Variants in F13A1 observed in about 807,000 individuals in gnomAD.
F13A1 encodes FSF, A subunit.
In F13A1, 47 loss-of-function variants were observed where a neutral mutation model predicts 80.1. That is an observed-to-expected ratio of 0.59 (90% confidence interval 0.46 to 0.75). The LOEUF (loss-of-function observed/expected upper bound fraction) is 0.75. Among genes scored for constraint, F13A1 ranks in the 30% least tolerant of loss-of-function variants. The pLI is 0.00. For missense variants in F13A1, 817 were observed against 930.4 expected (o/e 0.88, Z 1.59); for synonymous variants, 349 against 344.9 (o/e 1.01, Z -0.13).
At chr6:6,256,841 C>A (rs1673281840) in intron 4 of F13A1, among the ~76,000 whole-genome samples, 1 of 151,694 alleles carries the variant, frequency 6.6e-6, no homozygotes, top group South Asian at 2.1e-4. Context: ...ATTTCAAAGT[C>A]AGAGCAAGTT....
chr6:6,183,458 T>C (rs1209982943), intron 10 of F13A1, among the ~76,000 whole-genome samples: 1 of 152,254 alleles, frequency 6.6e-6, no homozygotes, highest in African/African-American at 2.4e-5. Flanking sequence ...GAGTTTATGC[T>C]TTAGTAAGCA....
intron 3 of F13A1, among the ~76,000 whole-genome samples, chr6:6,302,940 A>C (rs1176797336): frequency 6.6e-6 from 1 of 152,224 alleles, no homozygotes; most frequent in Non-Finnish European, 1.5e-5. Context: ...TTTTACATTA[A>C]TACTCATTCC....
intron 2 of F13A1, among the ~76,000 whole-genome samples, chr6:6,316,232 G>A (rs1005800962): frequency 6.8e-6 from 1 of 146,918 alleles, no homozygotes; most frequent in Non-Finnish European, 1.5e-5. Flanking sequence ...CACTTATCTT[G>A]TCTGTGAAAA....
At chr6:6,229,382 G>T (rs542594930) in intron 6 of F13A1, among the ~76,000 whole-genome samples, 2 of 152,018 alleles carry the variant, frequency 1.3e-5, no homozygotes, top group Non-Finnish European at 2.9e-5. Context: ...ATTATAAACT[G>T]CAAGAAACAG....
At chr6:6,151,589 T>C (rs143436943) in intron 14 of F13A1, among the ~76,000 whole-genome samples, 3 of 152,280 alleles carry the variant, frequency 2.0e-5, no homozygotes, top group Non-Finnish European at 2.9e-5. Flanking sequence ...AGGGAGATAA[T>C]AGCAGTATCT....
intron 10 of F13A1, among the ~76,000 whole-genome samples, chr6:6,183,268 A>G (rs1761020842): frequency 6.6e-6 from 1 of 152,236 alleles, no homozygotes; most frequent in Non-Finnish European, 1.5e-5. Context: ...CTCCTTCTTC[A>G]TAGGACGATT....
chr6:6,291,588 C>T lies in F13A1; in HGVS notation c.319+13763G>A, dbSNP rs1758225060. Among the ~76,000 whole-genome samples the T allele has an allele frequency of 2.6e-5, 4 of 152,190 alleles. No individual in the cohort carries two copies. In the South Asian group the frequency reaches 8.3e-4, roughly 32 times the overall value. On this transcript the variant is annotated intron_variant, in intron 3 of 14. Transcript: ENST00000264870. ...CCAGTGGGAAGTTCCTATCTCACTG[C>T]ATCTCCTAGTTATATTTAATAACAT...
At chr6:6,279,683 T>C (rs1360241289) in intron 3 of F13A1, among the ~76,000 whole-genome samples, 9 of 152,162 alleles carry the variant, frequency 5.9e-5, no homozygotes. Context: ...CCCCAGCAAA[T>C]GGCAAGTCTA....
Position 6,224,726 on chromosome 6 carries a change from C to A in F13A1, c.933G>T (p.Arg311=). ...CAGCAAAAACCCAGCATTGGCCATA[C>A]CGGACTGGATTCTCAGAGCTCCGGT... ...LEYRSSENPV[R]YGQCWVFAGV... The change falls in exon 7 of 15, where the codon CGG becomes CGT. Residue 311 remains arginine (R), a synonymous_variant. Transcript: ENST00000264870. 1.2e-6 allele frequency: 2 copies of A among 1,614,118 alleles called. No homozygotes were observed. Among genetic ancestry groups the A allele is most frequent in the Non-Finnish European group, 8.5e-7 (1 of 1,179,980 alleles).
At chr6:6,163,987 A>G (rs1036114513) in intron 13 of F13A1, among the ~76,000 whole-genome samples, 5 of 151,762 alleles carry the variant, frequency 3.3e-5, no homozygotes, top group African/African-American at 1.2e-4. Flanking sequence ...TTATTTTTTG[A>G]CTTTTTAATT....
chr6:6,212,028 A>G (rs1487096137), intron 8 of F13A1, among the ~76,000 whole-genome samples: 1 of 152,248 alleles, frequency 6.6e-6, no homozygotes, highest in Non-Finnish European at 1.5e-5. Flanking sequence ...GGAGGGTCCT[A>G]TGCCCACGGA....
intron 13 of F13A1, among the ~76,000 whole-genome samples, chr6:6,161,787 A>G (rs1249797184): frequency 6.6e-6 from 1 of 152,088 alleles, no homozygotes; most frequent in Non-Finnish European, 1.5e-5. Flanking sequence ...TGGGAGCACT[A>G]TTGAGCCCAG....
chr6:6,289,909 A>T (rs1758200782), intron 3 of F13A1, among the ~76,000 whole-genome samples: 1 of 151,370 alleles, frequency 6.6e-6, no homozygotes, highest in Admixed American at 6.6e-5. Context: ...TTTCTGGAGG[A>T]TTCTTTCAAC....
intron 13 of F13A1, among the ~76,000 whole-genome samples, chr6:6,160,697 C>T (rs939055411): frequency 1.3e-5 from 2 of 151,664 alleles, no homozygotes; most frequent in East Asian, 1.9e-4. Flanking sequence ...AGAGTGGGCA[C>T]CAAATAACTA....
rs1290008988 is a variant in F13A1 at position 6,197,237 on chromosome 6, T to TG, written c.1201dup (p.Gln401ProfsTer4). ...CACAGTTTTACCATCGCTATTTTCC[T>TG]GGGGGGTGCTGTCCACAGCTTGCCA... On this transcript the variant is annotated frameshift_variant, in exon 9 of 15. Transcript: ENST00000264870. LOFTEE classifies it high-confidence loss of function. 6.2e-7 allele frequency: 1 copy of TG among 1,614,092 alleles called. No individual in the cohort carries two copies. Among genetic ancestry groups the TG allele is most frequent in the East Asian group, 2.2e-5 (1 of 44,886 alleles).
intron 10 of F13A1, among the ~76,000 whole-genome samples, chr6:6,194,859 T>C (rs1335678136): frequency 1.3e-5 from 2 of 152,232 alleles, no homozygotes; most frequent in Admixed American, 1.3e-4. Flanking sequence ...CTTCAAATCT[T>C]AGCACTGCTA....
At chr6:6,306,574 C>T (rs1411703619) in intron 2 of F13A1, among the ~76,000 whole-genome samples, 3 of 152,236 alleles carry the variant, frequency 2.0e-5, no homozygotes, top group Non-Finnish European at 4.4e-5. Context: ...CATCCTAACT[C>T]CCTGTCCTCA....
chr6:6,147,666 T>C (rs1246361082), intron 14 of F13A1, among the ~76,000 whole-genome samples: 2 of 152,218 alleles, frequency 1.3e-5, no homozygotes, highest in Non-Finnish European at 2.9e-5. Flanking sequence ...GACCATGTAC[T>C]GTAGATAACC....
chr6:6,220,632 C>T (rs764518680), intron 8 of F13A1, among the ~76,000 whole-genome samples: 24 of 151,908 alleles, frequency 1.6e-4, no homozygotes, highest in African/African-American at 4.6e-4. Flanking sequence ...AAATAACTAT[C>T]TTTTTGTCAT....
Sources: allele counts gnomAD v4.1 joint callset (sites outside exome capture counted in the v4.1 genomes callset), GRCh38; gene constraint gnomAD v4.1.1; transcripts MANE v1.5; gene names NCBI Gene and HGNC (gene_info 2026-07-23, HGNC 2026-07-21).